NKAIN3: variants seen among roughly 807,000 people sequenced by gnomAD.
The protein encoded by NKAIN3 is sodium/potassium transporting ATPase interacting 3, also known as sodium/potassium-transporting ATPase subunit beta-1-interacting protein 3.
Under a neutral mutation model 30.2 loss-of-function variants are expected in NKAIN3, and 25 were observed. The ratio of observed to expected loss-of-function variants is 0.83; its 90% CI spans 0.60 to 1.16. The LOEUF is 1.16. NKAIN3 is among the 50% of genes most tolerant of loss of function. The pLI, the probability that NKAIN3 is intolerant of heterozygous loss-of-function variation, is 0.00. For missense variants in NKAIN3, 225 were observed against 254.1 expected, an observed-to-expected ratio of 0.89 and a Z score of 0.78; for synonymous variants, 91 against 89.6, an observed-to-expected ratio of 1.02 and a Z score of -0.09.
At position 62,582,419 on chromosome 8, in the gene NKAIN3, C is replaced by T. The variant is rs115596668; in HGVS notation, c.192+2743C>T. Reference sequence around the variant, plus strand: ...CCACATAAATGTTAAATTGCAACTGCGATAAGTGATACGAAGGAGCACACT... The same window carrying T: ...CCACATAAATGTTAAATTGCAACTGTGATAAGTGATACGAAGGAGCACACT... On this transcript the variant is annotated intron_variant, in intron 2 of 6. Coordinates refer to ENST00000623646, the MANE Select transcript of NKAIN3 (RefSeq NM_001304533.3). Among the ~76,000 whole-genome samples the T allele has an allele frequency of 1.9e-3, 295 of 152,124 alleles. 1 individual carries two copies. Among genetic ancestry groups the T allele is most frequent in the African/African-American group, 6.9e-3 (286 of 41,512 alleles).
chr8:62,771,000 G>A (rs901654230), intron 4 of NKAIN3, among the ~76,000 whole-genome samples: 31 of 152,070 alleles, frequency 2.0e-4, no homozygotes, highest in African/African-American at 6.8e-4. Context: ...AAACAAGAAA[G>A]TGTGACTCAA....
intron 1 of NKAIN3, among the ~76,000 whole-genome samples, chr8:62,317,808 G>A (rs1275083077): frequency 6.6e-6 from 1 of 152,114 alleles, no homozygotes. Context: ...TTCCAATTCT[G>A]TGAAGAAAGT....
At position 62,978,809 on chromosome 8, in the gene NKAIN3, T is replaced by C. The variant is rs6997520; in HGVS notation, c.*13402T>C. ...GCTCAGTGTCTGCCCAAATGGCCAC[T>C]CAGTTTTGTGCTTGAAATCCAGGGC... is the stretch of plus-strand genomic sequence containing the variant. On this transcript the variant is annotated 3_prime_UTR_variant, in exon 7 of 7. Transcript: ENST00000623646. 16,426 of 153,888 alleles carry C rather than the reference T, an allele frequency of 0.11. 934 individuals are homozygous for C. The highest frequency in any genetic ancestry group is 0.17 in the South Asian group (824 of 4,852). The allele number at this position is 153,888 out of a possible 1,614,324, so 9.5% of individuals were successfully genotyped here.
At chr8:62,312,616 G>A (rs1814480967) in intron 1 of NKAIN3, among the ~76,000 whole-genome samples, 2 of 142,532 alleles carry the variant, frequency 1.4e-5, no homozygotes. Flanking sequence ...CCAGGAGTTT[G>A]AGACCAGCGT....
intron 1 of NKAIN3, among the ~76,000 whole-genome samples, chr8:62,300,837 A>G (rs1398187991): frequency 1.3e-5 from 2 of 152,146 alleles, no homozygotes; most frequent in Non-Finnish European, 2.9e-5. Flanking sequence ...AGTTATTTAC[A>G]TGTTCTTAAA....
intron 3 of NKAIN3, among the ~76,000 whole-genome samples, chr8:62,684,712 A>G (rs1275838460): frequency 6.6e-6 from 1 of 152,226 alleles, no homozygotes. Context: ...GTATTTAGAG[A>G]CAATATCTTT....
intron 1 of NKAIN3, among the ~76,000 whole-genome samples, chr8:62,515,612 G>A (rs1043475140): frequency 1.3e-5 from 2 of 152,142 alleles, no homozygotes; most frequent in African/African-American, 4.8e-5. Context: ...CAGGAGTGGA[G>A]CTGTTATATC....
intron 1 of NKAIN3, among the ~76,000 whole-genome samples, chr8:62,447,731 G>T (rs573406721): frequency 6.6e-6 from 1 of 152,118 alleles, no homozygotes; most frequent in East Asian, 1.9e-4. Flanking sequence ...GCATCCCATT[G>T]ATCCTGGTAG....
intron 1 of NKAIN3, among the ~76,000 whole-genome samples, chr8:62,563,992 A>G (rs1408306073): frequency 2.6e-5 from 4 of 152,184 alleles, no homozygotes; most frequent in Non-Finnish European, 5.9e-5. Flanking sequence ...TTTGCCTTAA[A>G]TCAAAGGACA....
intron 1 of NKAIN3, among the ~76,000 whole-genome samples, chr8:62,493,746 C>T (rs932641133): frequency 8.5e-5 from 13 of 152,078 alleles, no homozygotes; most frequent in Non-Finnish European, 1.8e-4. Context: ...TCTTTTGCCT[C>T]TGTTGTTAGC....
chr8:62,761,156 A>C (rs1487359178), intron 4 of NKAIN3, among the ~76,000 whole-genome samples: 2 of 152,166 alleles, frequency 1.3e-5, no homozygotes, highest in Non-Finnish European at 2.9e-5. Context: ...CATAATTACT[A>C]GCATATGAGA....
At chr8:62,562,061 A>T (rs553990558) in intron 1 of NKAIN3, among the ~76,000 whole-genome samples, 2 of 152,288 alleles carry the variant, frequency 1.3e-5, no homozygotes, top group African/African-American at 4.8e-5. Context: ...GACCACCTGC[A>T]TCAGAGGTCA....
chr8:62,414,780 T>C (rs1418442596), intron 1 of NKAIN3, among the ~76,000 whole-genome samples: 1 of 151,936 alleles, frequency 6.6e-6, no homozygotes, highest in East Asian at 1.9e-4. Context: ...TTAGAGGTAA[T>C]GAGAAAAATC....
chr8:62,574,436 C>A lies in NKAIN3; in HGVS notation c.55-5103C>A, dbSNP rs144919628. Among the ~76,000 whole-genome samples the A allele has an allele frequency of 8.0e-3, 1,212 of 152,128 alleles. 12 individuals are homozygous for A. The highest frequency in any genetic ancestry group is 0.028 in the African/African-American group (1,158 of 41,504). On this transcript the variant is annotated intron_variant, in intron 1 of 6. Transcript: ENST00000623646. ...GAGATTGCTGGATCATATGGTAGCT[C>A]TATTTTTAGTTTTTTGAATTTATTT...
chr8:62,966,545 A>G lies in NKAIN3; in HGVS notation c.*1138A>G, dbSNP rs1823718336. ...CAAGGCCTCAATCAAAATGCAGAAC[A>G]TTTCCGTCACTTTAAAAAATTCCCT... is the stretch of plus-strand genomic sequence containing the variant. On this transcript the variant is annotated 3_prime_UTR_variant, in exon 7 of 7. Transcript: ENST00000623646. 1 of 247,830 alleles carries G rather than the reference A, an allele frequency of 4.0e-6. No homozygotes were observed. The highest frequency in any genetic ancestry group is 1.5e-4 in the South Asian group (1 of 6,732). The allele number at this position is 247,830 out of a possible 1,614,324, so 15.4% of individuals were successfully genotyped here.
intron 3 of NKAIN3, 60 bp from the exon 4 acceptor site, chr8:62,746,872 G>T: frequency 8.0e-7 from 1 of 1,244,350 alleles, no homozygotes. Flanking sequence ...TAAGGTCAAA[G>T]TCAAAGACGT....
chr8:62,875,908 AT>A (rs1445379674), intron 4 of NKAIN3, among the ~76,000 whole-genome samples: 2 of 152,224 alleles, frequency 1.3e-5, no homozygotes, highest in Non-Finnish European at 2.9e-5. Flanking sequence ...CATTCAGGAC[AT>A]AGGAATGGGA....
intron 3 of NKAIN3, among the ~76,000 whole-genome samples, chr8:62,618,044 A>T (rs1811514883): frequency 6.6e-6 from 1 of 152,206 alleles, no homozygotes; most frequent in African/African-American, 2.4e-5. Context: ...GAAAGATTAT[A>T]TTCTCACGGT....
intron 4 of NKAIN3, among the ~76,000 whole-genome samples, chr8:62,763,142 A>T (rs1165930570): frequency 7.0e-6 from 1 of 143,206 alleles, no homozygotes; most frequent in African/African-American, 2.5e-5. Flanking sequence ...AATGGCGTGA[A>T]CCCAGGAGGC....
Sources: gnomAD v4.1 joint callset for allele counts (sites outside exome capture counted in the v4.1 genomes callset) on GRCh38, gnomAD v4.1.1 for gene constraint, MANE v1.5 for transcripts, NCBI Gene and HGNC (gene_info 2026-07-23, HGNC 2026-07-21) for gene names.